TLN2: variants seen among roughly 807,000 people sequenced by gnomAD.
TLN2 encodes the protein talin 2, also known as talin-2.
A neutral mutation model predicts 294.7 loss-of-function variants in TLN2; 118 were observed. The observed-to-expected ratio is 0.40, with a 90% CI of 0.34 to 0.47. The LOEUF (loss-of-function observed/expected upper bound fraction) is 0.47. Among genes scored for constraint, TLN2 ranks in the 20% least tolerant of loss-of-function variants. The pLI is 0.84. For missense variants in TLN2, 3,083 were observed against 3,282.2 expected (o/e 0.94, Z 1.48); for synonymous variants, 1,431 against 1,304.5 (o/e 1.10, Z -2.09).
intron 1 of TLN2, among the ~76,000 whole-genome samples, chr15:62,431,854 T>C (rs902795551): frequency 2.0e-5 from 3 of 152,226 alleles, no homozygotes; most frequent in African/African-American, 7.2e-5. Flanking sequence ...GTAAATATTT[T>C]GTGGATTTCA....
At chr15:62,481,083 TATG>T (rs991015855) in intron 1 of TLN2, among the ~76,000 whole-genome samples, 15 of 152,224 alleles carry the variant, frequency 9.9e-5, no homozygotes, top group African/African-American at 3.4e-4. Flanking sequence ...TGTCTGAAAT[TATG>T]AGTCCATAGA....
chr15:62,581,875 C>T (rs2045070475), intron 1 of TLN2, among the ~76,000 whole-genome samples: 3 of 151,966 alleles, frequency 2.0e-5, no homozygotes, highest in South Asian at 4.2e-4. Flanking sequence ...AAAACCCTGT[C>T]TCTACTAAAA....
At chr15:62,503,956 C>T (rs1270708890) in intron 1 of TLN2, among the ~76,000 whole-genome samples, 3 of 151,834 alleles carry the variant, frequency 2.0e-5, no homozygotes, top group South Asian at 2.1e-4. Flanking sequence ...AAAAGAGTAC[C>T]GGGATTTGGG....
rs143603462 is a variant in TLN2 at position 62,761,735 on chromosome 15, G to A, written c.4693G>A (p.Ala1565Thr). The change falls in exon 38 of 59, where the codon GCA (alanine) becomes ACA (threonine). Residue 1565 changes from alanine (A) to threonine (T), a missense_variant. Physicochemically the swap from Ala to Thr is moderately conservative, Grantham distance 58. Transcript: ENST00000636159. ...CCGCAATAAGTGTCGCATCGCCACC[G>A]CACCCTTGATTGAAGCTGTGGAGAA... Reference protein sequence around the residue: ...DNRNKCRIATAPLIEAVENLT... With the variant: ...DNRNKCRIATTPLIEAVENLT... 5.6e-6 allele frequency: 9 copies of A among 1,614,100 alleles called. No homozygotes were observed. The highest frequency in any genetic ancestry group is 1.6e-4 in the Middle Eastern group (1 of 6,062).
chr15:62,566,502 G>C (rs1346992535), intron 1 of TLN2, among the ~76,000 whole-genome samples: 1 of 151,382 alleles, frequency 6.6e-6, no homozygotes, highest in Non-Finnish European at 1.5e-5. Context: ...ATAGAGGGAT[G>C]TGCATGGGGT....
intron 54 of TLN2, chr15:62,830,798 A>T (rs1053222307): frequency 6.6e-6 from 1 of 152,172 alleles, no homozygotes; most frequent in African/African-American, 2.4e-5. Context: ...AGTATCTAAC[A>T]TTAGCCCTCC....
At chr15:62,557,490 C>G (rs997927869) in intron 1 of TLN2, among the ~76,000 whole-genome samples, 4 of 152,224 alleles carry the variant, frequency 2.6e-5, no homozygotes, top group Non-Finnish European at 5.9e-5. Context: ...GAAGAGTGGG[C>G]TGGCAGAGTT....
At chr15:62,798,305 T>C (rs2065670330) in intron 48 of TLN2, among the ~76,000 whole-genome samples, 1 of 152,150 alleles carries the variant, frequency 6.6e-6, no homozygotes, top group Admixed American at 6.5e-5. Flanking sequence ...GCTTCTGATA[T>C]TTGGCAATTT....
At chr15:62,793,814 C>A (rs1385992514) in intron 46 of TLN2, among the ~76,000 whole-genome samples, 1 of 115,946 alleles carries the variant, frequency 8.6e-6, no homozygotes, top group Non-Finnish European at 2.1e-5. Context: ...GGACACAGAG[C>A]TCTGTCCTGT....
At chr15:62,552,030 T>G (rs1337505068) in intron 1 of TLN2, among the ~76,000 whole-genome samples, 1 of 152,210 alleles carries the variant, frequency 6.6e-6, no homozygotes, top group Non-Finnish European at 1.5e-5. Context: ...ATCTTGACAT[T>G]GTTCGCTTTT....
chr15:62,504,573 A>G (rs901804968), intron 1 of TLN2, among the ~76,000 whole-genome samples: 2 of 152,344 alleles, frequency 1.3e-5, no homozygotes, highest in Non-Finnish European at 2.9e-5. Flanking sequence ...AATTCAATGG[A>G]GAATGGATGG....
chr15:62,658,547 G>A (rs879447808), intron 9 of TLN2, among the ~76,000 whole-genome samples: 7 of 152,272 alleles, frequency 4.6e-5, no homozygotes, highest in Non-Finnish European at 8.8e-5. Context: ...TTGGGTTAGC[G>A]AATCCCAGGG....
At chr15:62,433,878 A>T (rs2035150174) in intron 1 of TLN2, among the ~76,000 whole-genome samples, 1 of 151,880 alleles carries the variant, frequency 6.6e-6, no homozygotes, top group Non-Finnish European at 1.5e-5. Flanking sequence ...AATCCCAGCT[A>T]CTCAGGAGGC....
At chr15:62,716,621 G>A (rs2140904317) in intron 23 of TLN2, among the ~76,000 whole-genome samples, 162 bp downstream of exon 23, 2 of 152,262 alleles carry the variant, frequency 1.3e-5, no homozygotes, top group Middle Eastern at 3.4e-3. Context: ...TGACTCAATT[G>A]GAAAAAACTG....
chr15:62,677,540 G>A lies in TLN2; in HGVS notation c.957+2219G>A, dbSNP rs563330297. On this transcript the variant is annotated intron_variant, in intron 11 of 58. Coordinates refer to ENST00000636159, the MANE Select transcript of TLN2 (RefSeq NM_015059.3). ...GACAATTTGGAACCTAAGAAAAATC[G>A]GTCCATGGTCACCAGGATAATTTGA... Among the ~76,000 whole-genome samples, 12 of 152,120 alleles carry A rather than the reference G, an allele frequency of 7.9e-5. 1 individual carries two copies. The South Asian group carries it at 2.1e-3, about 26-fold the overall frequency.
chr15:62,482,257 A>G (rs1286947541), intron 1 of TLN2, among the ~76,000 whole-genome samples: 3 of 152,186 alleles, frequency 2.0e-5, no homozygotes, highest in Admixed American at 6.5e-5. Flanking sequence ...GGACAATTCT[A>G]TAGAATTTCA....
chr15:62,839,093 A>G (rs1381444178), intron 58 of TLN2, 112 bp downstream of exon 58: 4 of 1,400,598 alleles, frequency 2.9e-6, no homozygotes, highest in Non-Finnish European at 3.9e-6. Flanking sequence ...CTCGTGTACC[A>G]GAGATGGTGT....
intron 1 of TLN2, among the ~76,000 whole-genome samples, chr15:62,421,183 G>A (rs2034369576): frequency 6.6e-6 from 1 of 152,088 alleles, no homozygotes; most frequent in Admixed American, 6.6e-5. Flanking sequence ...ACCGGTCCAC[G>A]AGAAATAGCA....
intron 2 of TLN2, among the ~76,000 whole-genome samples, chr15:62,612,297 T>C (rs1162839029): frequency 1.3e-5 from 2 of 152,220 alleles, no homozygotes; most frequent in East Asian, 3.8e-4. Flanking sequence ...CTTTTTTGAT[T>C]ACGAATCAAT....
Sources: allele counts gnomAD v4.1 joint callset (sites outside exome capture counted in the v4.1 genomes callset), GRCh38; gene constraint gnomAD v4.1.1; transcripts MANE v1.5; gene names NCBI Gene and HGNC (gene_info 2026-07-23, HGNC 2026-07-21).